The following MYH11 variants were observed in gnomAD, a reference collection of about 807,000 sequenced individuals.
The protein encoded by MYH11 is myosin heavy chain 11, also known as myosin-11.
A neutral mutation model predicts 246.6 loss-of-function variants in MYH11; 80 were observed. That is an observed-to-expected ratio of 0.32 (90% CI 0.27 to 0.39). The LOEUF (loss-of-function observed/expected upper bound fraction) is 0.39, where lower values mean the gene tolerates loss of function less well. MYH11 is among the 10% of genes least tolerant of loss of function. The pLI, the probability that MYH11 is intolerant of heterozygous loss-of-function variation, is 1.00. For missense variants in MYH11, 2,158 were observed against 2,546.8 expected (o/e 0.85, Z 3.29); for synonymous variants, 1,071 against 1,015.5 (o/e 1.05, Z -1.04).
rs779072925 is a variant in MYH11 at position 15,741,687 on chromosome 16, G to A, written c.2653-18C>T. 4 of 1,613,864 alleles carry A rather than the reference G, an allele frequency of 2.5e-6. No homozygotes were observed. The highest frequency in any genetic ancestry group is 3.4e-6 in the Non-Finnish European group (4 of 1,180,054). Reference sequence around the variant, plus strand: ...TCGGTCAGCTGCACGCAGGTGGTGGGGAGGAGGCGGGTGAGCCCCACGGGG... The same window carrying A: ...TCGGTCAGCTGCACGCAGGTGGTGGAGAGGAGGCGGGTGAGCCCCACGGGG... On this transcript the variant is annotated intron_variant, in intron 21 of 40. Transcript: ENST00000300036.
At chr16:15,709,986 G>T (rs1185378362) in intron 40 of MYH11, among the ~76,000 whole-genome samples, 4 of 152,318 alleles carry the variant, frequency 2.6e-5, no homozygotes, top group Middle Eastern at 6.8e-3. Context: ...TCGCACTACA[G>T]TTCCTTCTTG....
rs2272553 is a variant in MYH11, at chr16:15,823,155, G to A, written c.502+100C>T. 163,485 of 1,524,752 alleles carry A rather than the reference G, an allele frequency of 0.11. 9,210 individuals are homozygous for A. Among genetic ancestry groups the A allele is most frequent in the Middle Eastern group, 0.12 (521 of 4,406 alleles). 94.5% of individuals were successfully genotyped at this position (1,524,752 alleles called of 1,614,324 possible). On this transcript the variant is annotated intron_variant, in intron 3 of 40. Transcript: ENST00000300036. The stretch of plus-strand genomic sequence containing the variant: ...CAGCCACAGTAACTCCTGGTCCCTC[G>A]CAGTGCCTGCCAAACTCCACATTCC...
intron 30 of MYH11, 31 bp from the exon 31 acceptor site, chr16:15,724,440 A>G (rs756959127): frequency 2.5e-6 from 4 of 1,612,806 alleles, no homozygotes; most frequent in Non-Finnish European, 3.4e-6. Flanking sequence ...GTAGGGTGAG[A>G]GGGGGACCAT....
intron 27 of MYH11, among the ~76,000 whole-genome samples, chr16:15,731,103 G>GCT (rs2040947510): frequency 1.3e-5 from 2 of 152,162 alleles, no homozygotes; most frequent in African/African-American, 4.8e-5. Flanking sequence ...ATTACGGGAG[G>GCT]CATGAGCCGC....
At chr16:15,810,413 A>C (rs1177831111) in intron 3 of MYH11, among the ~76,000 whole-genome samples, 1 of 152,164 alleles carries the variant, frequency 6.6e-6, no homozygotes, top group Non-Finnish European at 1.5e-5. Flanking sequence ...CCAAAAATAA[A>C]AATAAAATAA....
chr16:15,766,663 G>T (rs2041990685), intron 9 of MYH11, among the ~76,000 whole-genome samples: 1 of 152,184 alleles, frequency 6.6e-6, no homozygotes, highest in African/African-American at 2.4e-5. Context: ...ACAGTGCCCG[G>T]CCTACCCATA....
At chr16:15,717,878 G>T in intron 37 of MYH11, 1 of 271,216 alleles carries the variant, frequency 3.7e-6, no homozygotes, top group South Asian at 4.5e-5. Context: ...TCCTGGAGTC[G>T]CCTGGAGAAT....
chr16:15,842,579 T>A (rs1207399621), intron 1 of MYH11, among the ~76,000 whole-genome samples: 4 of 151,232 alleles, frequency 2.6e-5, no homozygotes, highest in Non-Finnish European at 5.9e-5. Flanking sequence ...CTGGCCAACG[T>A]GGCGAAACCT....
chr16:15,706,623 C>G (rs1460615322), intron 40 of MYH11, among the ~76,000 whole-genome samples: 1 of 151,948 alleles, frequency 6.6e-6, no homozygotes, highest in Non-Finnish European at 1.5e-5. Context: ...AGGAGAATTG[C>G]TTGAACCCAG....
At chr16:15,705,444 A>G (rs34868865) in intron 40 of MYH11, among the ~76,000 whole-genome samples, 5,159 of 152,254 alleles carry the variant, frequency 0.034, 130 homozygotes, top group South Asian at 0.094. Flanking sequence ...GAGTGGGCAG[A>G]AGAAGGAAAA....
intron 1 of MYH11, among the ~76,000 whole-genome samples, chr16:15,839,377 CG>C (rs2043991013): frequency 6.6e-6 from 1 of 152,054 alleles, no homozygotes; most frequent in African/African-American, 2.4e-5. Context: ...CTGGTGCAAA[CG>C]TAAGTGTGGT....
rs1470718270 is a variant in MYH11 at position 15,741,550 on chromosome 16, C to T, written c.2772G>A (p.Leu924=). The change falls in exon 22 of 41, where the codon CTG becomes CTA. Residue 924 remains leucine (L), a synonymous_variant. Transcript: ENST00000300036. ...CCTCCAGGCGGGCCTCCATCTCATG[C>T]AGTATCTCCTCCAGCTCCTGCTTCT... is the stretch of plus-strand genomic sequence containing the variant. ...AAKKQELEEI[L]HEMEARLEEE... is the part of the protein sequence containing the mutation. 9.3e-6 allele frequency: 15 copies of T among 1,610,930 alleles called. No homozygotes were observed. The South Asian group carries it at 1.3e-4, about 14-fold the overall frequency.
intron 3 of MYH11, among the ~76,000 whole-genome samples, chr16:15,807,702 T>C (rs1024413957): frequency 6.6e-6 from 1 of 152,046 alleles, no homozygotes; most frequent in Non-Finnish European, 1.5e-5. Flanking sequence ...GGGGCTCATG[T>C]CACCTCACAC....
intron 4 of MYH11, among the ~76,000 whole-genome samples, chr16:15,788,750 G>A (rs1567763365): frequency 6.6e-6 from 1 of 151,676 alleles, no homozygotes; most frequent in South Asian, 2.1e-4. Flanking sequence ...TGGGGACCAT[G>A]AAGGCATTAC....
chr16:15,796,367 C>A (rs1445448041), intron 4 of MYH11, among the ~76,000 whole-genome samples: 1 of 152,220 alleles, frequency 6.6e-6, no homozygotes, highest in Non-Finnish European at 1.5e-5. Flanking sequence ...GTGGCCTCTT[C>A]TTCATCTTCA....
At chr16:15,740,887 G>T (rs2041254642) in intron 22 of MYH11, among the ~76,000 whole-genome samples, 1 of 152,186 alleles carries the variant, frequency 6.6e-6, no homozygotes, top group African/African-American at 2.4e-5. Flanking sequence ...TCCTCTCTCA[G>T]ATCACTCCTT....
Position 15,797,791 on chromosome 16 carries a change from C to T in MYH11, c.530+869G>A, listed in dbSNP as rs546073285. 2.6e-5 allele frequency among the ~76,000 whole-genome samples: 4 copies of T among 152,222 alleles called. No individual in the cohort carries two copies. In the East Asian group the frequency reaches 7.7e-4, roughly 29 times the overall value. On this transcript the variant is annotated intron_variant, in intron 4 of 40. Coordinates refer to ENST00000300036, the MANE Select transcript of MYH11 (RefSeq NM_002474.3). ...CCAGCTCAGGTTGAACAGGGGAATGCTCTACCTTCTAGTTTCAACTCTCAT... is the reference window on the plus strand; with the variant it reads ...CCAGCTCAGGTTGAACAGGGGAATGTTCTACCTTCTAGTTTCAACTCTCAT...
At chr16:15,842,949 A>G (rs771331103) in intron 1 of MYH11, among the ~76,000 whole-genome samples, 2 of 152,142 alleles carry the variant, frequency 1.3e-5, no homozygotes, top group Non-Finnish European at 2.9e-5. Context: ...AGCTCATAGT[A>G]AGACCAACAG....
At chr16:15,765,354 T>C (rs962476529) in intron 9 of MYH11, among the ~76,000 whole-genome samples, 2 of 151,782 alleles carry the variant, frequency 1.3e-5, no homozygotes, top group African/African-American at 4.8e-5. Flanking sequence ...GATGGATAGA[T>C]GGAATGGACA....
Sources: allele counts gnomAD v4.1 joint callset (sites outside exome capture counted in the v4.1 genomes callset), GRCh38; gene constraint gnomAD v4.1.1; transcripts MANE v1.5; gene names NCBI Gene and HGNC (gene_info 2026-07-23, HGNC 2026-07-21).